The following CMKLR2 variants were observed in gnomAD, a reference collection of about 807,000 sequenced individuals.
The protein encoded by CMKLR2 is chemerin chemokine-like receptor 2, also known as chemerin-like receptor 2.
A neutral mutation model predicts 23.0 loss-of-function variants in CMKLR2; 18 were observed. The ratio of observed to expected loss-of-function variants is 0.78; its 90% confidence interval spans 0.54 to 1.16. CMKLR2 has a LOEUF of 1.16. Ranked by LOEUF, CMKLR2 falls within the 50% of genes most tolerant of loss-of-function variation. The pLI, the probability that CMKLR2 is intolerant of heterozygous loss-of-function variation, is 0.00. For missense variants in CMKLR2, 401 were observed against 412.7 expected (o/e 0.97, Z 0.25); for synonymous variants, 158 against 158.9 (o/e 0.99, Z 0.05).
chr2:206,209,739 C>G (rs560618680), intron 1 of CMKLR2, among the ~76,000 whole-genome samples: 43 of 151,254 alleles, frequency 2.8e-4, no homozygotes, highest in Admixed American at 2.6e-3. Flanking sequence ...AGCTCCGCCT[C>G]CCGGGTTCAC....
rs1407488152 is a variant in CMKLR2 at position 206,175,990 on chromosome 2, A to G, written c.*190T>C. On this transcript the variant is annotated 3_prime_UTR_variant, in exon 2 of 2. Transcript: ENST00000621141. ...TTTTTTAAAAAAAATTTATTGCCACATCACAAGGAGTCAAGAGGATCCTTC... is the reference window on the plus strand; with the variant it reads ...TTTTTTAAAAAAAATTTATTGCCACGTCACAAGGAGTCAAGAGGATCCTTC... 6.9e-6 allele frequency: 3 copies of G among 434,630 alleles called. No individual in the cohort carries two copies. Among genetic ancestry groups the G allele is most frequent in the Non-Finnish European group, 1.2e-5 (3 of 249,678 alleles). The allele number at this position is 434,630 out of a possible 1,614,324, so 26.9% of individuals were successfully genotyped here. A position where few individuals can be genotyped will look rare whatever the true frequency, so the allele number is the denominator to read the frequency against.
intron 1 of CMKLR2, among the ~76,000 whole-genome samples, chr2:206,191,837 A>ATTT (rs774926244): frequency 5.0e-5 from 6 of 119,220 alleles, no homozygotes; most frequent in African/African-American, 1.3e-4. Context: ...TGCCCAACTA[A>ATTT]TTTTTTTTTT....
intron 1 of CMKLR2, among the ~76,000 whole-genome samples, chr2:206,206,810 C>G (rs1689338821): frequency 6.6e-6 from 1 of 151,584 alleles, no homozygotes. Flanking sequence ...GCCCGGGCAT[C>G]TTGGAAATAA....
At chr2:206,209,366 GTTGT>G (rs1689453384) in intron 1 of CMKLR2, among the ~76,000 whole-genome samples, 3 of 151,140 alleles carry the variant, frequency 2.0e-5, no homozygotes, top group Non-Finnish European at 4.4e-5. Context: ...CTTTTTTGTT[GTTGT>G]TTGTTTTTTC....
chr2:206,197,482 A>C (rs1002278205), intron 1 of CMKLR2, among the ~76,000 whole-genome samples: 1 of 152,210 alleles, frequency 6.6e-6, no homozygotes, highest in African/African-American at 2.4e-5. Flanking sequence ...CAGGGAAAGA[A>C]AAATTTTAAC....
chr2:206,208,339 G>A (rs1689416377), intron 1 of CMKLR2, among the ~76,000 whole-genome samples: 1 of 152,124 alleles, frequency 6.6e-6, no homozygotes, highest in African/African-American at 2.4e-5. Flanking sequence ...CCAGGAGTTT[G>A]AAACCAGCCT....
chr2:206,187,058 G>T (rs1369579960), intron 1 of CMKLR2, among the ~76,000 whole-genome samples: 1 of 152,048 alleles, frequency 6.6e-6, no homozygotes, highest in Admixed American at 6.6e-5. Flanking sequence ...CCAAAAAAGA[G>T]AATGAAGGCC....
rs776202834 is a variant in CMKLR2 at position 206,177,128 on chromosome 2, G to C, written c.120C>G (p.Val40=). 6.2e-7 allele frequency: 1 copy of C among 1,614,026 alleles called. No individual in the cohort carries two copies. The highest frequency in any genetic ancestry group is 2.2e-5 in the East Asian group (1 of 44,890). Residue 40 remains valine, a synonymous_variant, in exon 2 of 2, where the codon GTC becomes GTG. Coordinates refer to ENST00000621141, the MANE Select transcript of CMKLR2 (RefSeq NM_001389445.1). ...AAGCCAAACAATATAACACCAGGGAGACCCAGTGAACAACTCCCAGCTGGA... is the reference window on the plus strand; with the variant it reads ...AAGCCAAACAATATAACACCAGGGACACCCAGTGAACAACTCCCAGCTGGA... ...EKVQLGVVHW[V]SLVLYCLAFV...
chr2:206,175,964 G>A lies in CMKLR2; in HGVS notation c.*216C>T. On this transcript the variant is annotated 3_prime_UTR_variant, in exon 2 of 2. Coordinates refer to ENST00000621141, the MANE Select transcript of CMKLR2 (RefSeq NM_001389445.1). ...TGCGGATCCTTCCTAAGTATTTTCA[G>A]TTTTTTAAAAAAAATTTATTGCCAC... 1 of 406,258 alleles carries A rather than the reference G, an allele frequency of 2.5e-6. No homozygotes were observed. 25.2% of individuals were successfully genotyped at this position (406,258 alleles called of 1,614,324 possible). A position where few individuals can be genotyped will look rare whatever the true frequency, so the allele number is the denominator to read the frequency against.
At chr2:206,214,363 G>A (rs563602278), upstream of CMKLR2, among the ~76,000 whole-genome samples, 44 of 151,826 alleles carry the variant, frequency 2.9e-4, no homozygotes, top group South Asian at 8.5e-3. Flanking sequence ...TATTAGAGAC[G>A]GGGTTTCACC....
intron 1 of CMKLR2, chr2:206,203,951 G>C (rs921482731): frequency 1.3e-5 from 2 of 152,204 alleles, no homozygotes; most frequent in African/African-American, 2.4e-5. Context: ...ATAGGGAACT[G>C]GGGAAGAAAC....
chr2:206,213,215 A>T (rs1398327878), intron 1 of CMKLR2, 92 bp downstream of exon 1: 3 of 152,226 alleles, frequency 2.0e-5, no homozygotes, highest in Non-Finnish European at 4.4e-5. Flanking sequence ...AGTTAGTCAA[A>T]TGCTGTTTTG....
At chr2:206,192,646 A>G (rs2105816818) in intron 1 of CMKLR2, among the ~76,000 whole-genome samples, 1 of 152,002 alleles carries the variant, frequency 6.6e-6, no homozygotes, top group African/African-American at 2.4e-5. Context: ...TCTATTTCAT[A>G]AACTGAAACA....
intron 1 of CMKLR2, among the ~76,000 whole-genome samples, chr2:206,209,119 C>G (rs1404171838): frequency 6.6e-6 from 1 of 152,170 alleles, no homozygotes; most frequent in Non-Finnish European, 1.5e-5. Flanking sequence ...GGTTGGATAA[C>G]TTGAGGCCAG....
chr2:206,208,026 C>T (rs925029333), intron 1 of CMKLR2, among the ~76,000 whole-genome samples: 2 of 152,042 alleles, frequency 1.3e-5, no homozygotes, highest in Admixed American at 1.3e-4. Context: ...AGACGTAAGC[C>T]ACCACACCCA....
chr2:206,205,130 A>T (rs1689263734), intron 1 of CMKLR2, among the ~76,000 whole-genome samples: 1 of 152,200 alleles, frequency 6.6e-6, no homozygotes, highest in African/African-American at 2.4e-5. Context: ...ACTAAAAAGA[A>T]GTGGTCATAA....
rs71034423 is a variant in CMKLR2, at chr2:206,207,728, CTTTTTTTTTTTTTTTTT to C, written c.-29+5562_-29+5578del. Among the ~76,000 whole-genome samples, 8 of 43,576 alleles carry C rather than the reference CTTTTTTTTTTTTTTTTT, an allele frequency of 1.8e-4. No homozygotes were observed. The East Asian group carries it at 9.5e-3, about 52-fold the overall frequency. 28.6% of individuals were successfully genotyped at this position (43,576 alleles called of 152,430 possible). A position where few individuals can be genotyped will look rare whatever the true frequency, so the allele number is the denominator to read the frequency against. On this transcript the variant is annotated intron_variant, in intron 1 of 1. Transcript: ENST00000621141. ...ATCTGGGTCTGTCTGACCTCAGGGC[CTTTTTTTTTTTTTTTTT>C]TTTTTTTTTTTTTTGAGATGGAGTT...
At position 206,187,842 on chromosome 2, in the gene CMKLR2, A is replaced by G. The variant is rs561089059; in HGVS notation, c.-28-10567T>C. Among the ~76,000 whole-genome samples, 24 of 152,328 alleles carry G rather than the reference A, an allele frequency of 1.6e-4. No homozygotes were observed. In the South Asian group the frequency reaches 5.0e-3, roughly 32 times the overall value. ...TAGGAGGGATGTCTGGGCAATAGAA[A>G]GAAGCTGTGGTGGGCAGTAACCAAA... On this transcript the variant is annotated intron_variant, in intron 1 of 1. Transcript: ENST00000621141.
intron 1 of CMKLR2, among the ~76,000 whole-genome samples, chr2:206,205,014 T>C (rs1689260270): frequency 6.6e-6 from 1 of 152,226 alleles, no homozygotes; most frequent in African/African-American, 2.4e-5. Flanking sequence ...CCTGCTGTAA[T>C]CCAACTGGCT....
Sources: allele counts gnomAD v4.1 joint callset (sites outside exome capture counted in the v4.1 genomes callset), GRCh38; gene constraint gnomAD v4.1.1; transcripts MANE v1.5; gene names NCBI Gene and HGNC (gene_info 2026-07-23, HGNC 2026-07-21).